The following CFAP299 variants were observed in gnomAD, a reference collection of about 807,000 sequenced individuals.
The protein encoded by CFAP299 is cilia- and flagella-associated protein 299.
CFAP299 carries 21 observed loss-of-function variants against 27.0 expected under a neutral mutation model. The observed-to-expected ratio is 0.78, with a 90% CI of 0.55 to 1.12. CFAP299 has a LOEUF of 1.12. CFAP299 is among the 50% of genes most tolerant of loss of function. CFAP299 has a pLI of 0.00. For synonymous variants in CFAP299, 104 were observed against 98.1 expected, an observed-to-expected ratio of 1.06 and a Z score of -0.36; for missense variants, 310 against 276.6, an observed-to-expected ratio of 1.12 and a Z score of -0.86.
Position 80,800,746 on chromosome 4 carries a change from AGTGTGT to A in CFAP299, c.334-69230_334-69225del, listed in dbSNP as rs57119258. Among the ~76,000 whole-genome samples, 453 of 116,190 alleles carry A rather than the reference AGTGTGT, an allele frequency of 3.9e-3. 4 individuals are homozygous for A. The highest frequency in any genetic ancestry group is 6.1e-3 in the Non-Finnish European group (374 of 61,200). The allele number at this position is 116,190 out of a possible 152,430, so 76.2% of individuals were successfully genotyped here. ...TCCATATGTGTATATATATATAATC[AGTGTGT>A]GTGTGTGTGTGTGTGTATATATATA... On this transcript the variant is annotated intron_variant, in intron 3 of 5. Coordinates refer to ENST00000358105, the MANE Select transcript of CFAP299 (RefSeq NM_152770.3).
At chr4:80,569,449 CAT>C (rs1735471548) in intron 2 of CFAP299, among the ~76,000 whole-genome samples, 1 of 151,666 alleles carries the variant, frequency 6.6e-6, no homozygotes, top group African/African-American at 2.4e-5. Context: ...ACTGTTATAA[CAT>C]AAGACAAAAG....
At chr4:80,465,779 C>T (rs1729670356) in intron 2 of CFAP299, among the ~76,000 whole-genome samples, 1 of 152,158 alleles carries the variant, frequency 6.6e-6, no homozygotes. Context: ...CATTTTGGAG[C>T]TTGTCCTCAA....
chr4:80,736,218 G>A (rs35067850), intron 3 of CFAP299, among the ~76,000 whole-genome samples: 8 of 151,790 alleles, frequency 5.3e-5, no homozygotes, highest in East Asian at 1.9e-4. Flanking sequence ...GTTTTAGGTC[G>A]AACGTTTAAG....
At chr4:80,683,368 G>A (rs1002826063) in intron 3 of CFAP299, among the ~76,000 whole-genome samples, 6 of 152,104 alleles carry the variant, frequency 3.9e-5, no homozygotes, top group Non-Finnish European at 8.8e-5. Context: ...TTTTCATAAT[G>A]TCAAAAGTTC....
intron 5 of CFAP299, among the ~76,000 whole-genome samples, chr4:80,949,534 A>AAAC (rs201796244): frequency 0.24 from 10,268 of 43,222 alleles, 452 homozygotes; most frequent in South Asian, 0.51. Flanking sequence ...TAAAATTTAA[A>AAAC]AACAACAACA....
intron 1 of CFAP299, among the ~76,000 whole-genome samples, chr4:80,341,054 G>C (rs1001012976): frequency 6.6e-6 from 1 of 152,186 alleles, no homozygotes; most frequent in African/African-American, 2.4e-5. Flanking sequence ...AGGATTACAG[G>C]TGTGAGCCAC....
At chr4:80,335,587 T>A (rs531231206), upstream of CFAP299, 14 of 607,220 alleles carry the variant, frequency 2.3e-5, no homozygotes, top group African/African-American at 2.2e-4. Flanking sequence ...GGGTGGGTAA[T>A]TCCAGAAAGT....
chr4:80,524,325 G>A (rs1023896857), intron 2 of CFAP299, among the ~76,000 whole-genome samples: 5 of 151,956 alleles, frequency 3.3e-5, no homozygotes, highest in Non-Finnish European at 7.4e-5. Context: ...AGGGGTTTAT[G>A]TAACTAGCCC....
chr4:80,897,910 A>C (rs1734687133), intron 4 of CFAP299, among the ~76,000 whole-genome samples: 1 of 152,116 alleles, frequency 6.6e-6, no homozygotes, highest in Non-Finnish European at 1.5e-5. Flanking sequence ...TGCCTCAGTT[A>C]CTCAGCCTGC....
chr4:80,549,710 T>C (rs1419711653), intron 2 of CFAP299, among the ~76,000 whole-genome samples: 1 of 152,124 alleles, frequency 6.6e-6, no homozygotes, highest in Non-Finnish European at 1.5e-5. Flanking sequence ...AAATGATCTC[T>C]AATAGAAAAG....
At chr4:80,626,140 G>T (rs182582234) in intron 3 of CFAP299, among the ~76,000 whole-genome samples, 10 of 151,818 alleles carry the variant, frequency 6.6e-5, no homozygotes, top group Non-Finnish European at 1.5e-4. Context: ...TATATGTTAG[G>T]CCACAAAGCA....
chr4:80,809,859 C>A (rs1283641764), intron 3 of CFAP299, among the ~76,000 whole-genome samples: 1 of 151,986 alleles, frequency 6.6e-6, no homozygotes, highest in Non-Finnish European at 1.5e-5. Context: ...GTGACCTCCT[C>A]AAAACAATTT....
At chr4:80,792,321 A>G (rs1180570317) in intron 3 of CFAP299, among the ~76,000 whole-genome samples, 1 of 152,200 alleles carries the variant, frequency 6.6e-6, no homozygotes, top group African/African-American at 2.4e-5. Context: ...ATTTGGTCTC[A>G]TAAGTATTTT....
intron 2 of CFAP299, among the ~76,000 whole-genome samples, chr4:80,532,693 C>G (rs1733534498): frequency 6.6e-6 from 1 of 152,174 alleles, no homozygotes; most frequent in Non-Finnish European, 1.5e-5. Context: ...TGGTAAGATT[C>G]AATTACATGT....
intron 2 of CFAP299, among the ~76,000 whole-genome samples, chr4:80,453,525 C>T (rs1459947820): frequency 6.6e-6 from 1 of 151,938 alleles, no homozygotes; most frequent in Non-Finnish European, 1.5e-5. Context: ...TTCATATACC[C>T]ATTCTTCAAA....
intron 3 of CFAP299, chr4:80,608,351 G>A (rs1189409931): frequency 5.1e-5 from 78 of 1,531,430 alleles, no homozygotes; most frequent in Non-Finnish European, 6.3e-5. Flanking sequence ...ACAGGAGACT[G>A]ATGCTGCTCA....
chr4:80,869,575 A>G (rs6854568), intron 3 of CFAP299, among the ~76,000 whole-genome samples: 46,828 of 152,032 alleles, frequency 0.31, 9,449 homozygotes, highest in African/African-American at 0.57. Flanking sequence ...GTGCAGTGGC[A>G]CGTTCTTGGC....
At chr4:80,694,667 T>G (rs1199173009) in intron 3 of CFAP299, among the ~76,000 whole-genome samples, 1 of 152,250 alleles carries the variant, frequency 6.6e-6, no homozygotes, top group Admixed American at 6.5e-5. Context: ...TTCAAATGTT[T>G]CAGCTTTCAA....
chr4:80,756,078 AG>A (rs1725221735), intron 3 of CFAP299, among the ~76,000 whole-genome samples: 1 of 152,134 alleles, frequency 6.6e-6, no homozygotes, highest in Non-Finnish European at 1.5e-5. Context: ...TTTACATTTT[AG>A]GTAGTTTTAA....
Sources: allele counts gnomAD v4.1 joint callset (sites outside exome capture counted in the v4.1 genomes callset), GRCh38; gene constraint gnomAD v4.1.1; transcripts MANE v1.5; gene names NCBI Gene and HGNC (gene_info 2026-07-23, HGNC 2026-07-21).